PIGQ: variants seen among roughly 807,000 people sequenced by gnomAD.
PIGQ encodes the protein phosphatidylinositol N-acetylglucosaminyltransferase subunit Q.
A neutral mutation model predicts 60.3 loss-of-function variants in PIGQ; 54 were observed. That is an observed-to-expected ratio of 0.90 (90% CI 0.72 to 1.12). The LOEUF is 1.12. Ranked by LOEUF, PIGQ falls within the 50% of genes most tolerant of loss-of-function variation. The pLI is 0.00. For missense variants in PIGQ, 799 were observed against 793.5 expected, an observed-to-expected ratio of 1.01 and a Z score of -0.08; for synonymous variants, 416 against 363.7, an observed-to-expected ratio of 1.14 and a Z score of -1.64.
rs1210575902 is a variant in PIGQ at position 575,984 on chromosome 16, C to T, written c.821+14C>T. The T allele has an allele frequency of 2.5e-6, 4 of 1,576,504 alleles. No homozygotes were observed. The highest frequency in any genetic ancestry group is 3.4e-6 in the Non-Finnish European group (4 of 1,161,610). On this transcript the variant is annotated intron_variant, in intron 3 of 10. Coordinates refer to ENST00000321878, the MANE Select transcript of PIGQ (RefSeq NM_004204.5). Reference sequence around the variant, plus strand: ...CCAGCTGATGAGGTGTGGGCCTGCCCTGGTCTCTGCAGGGCTGGGTGCGTG... The same window carrying T: ...CCAGCTGATGAGGTGTGGGCCTGCCTTGGTCTCTGCAGGGCTGGGTGCGTG...
intron 4 of PIGQ, 48 bp from the exon 5 acceptor site, chr16:578,331 G>A (rs777526684): frequency 6.3e-7 from 1 of 1,577,976 alleles, no homozygotes; most frequent in Non-Finnish European, 8.6e-7. Flanking sequence ...AGATGCAGGT[G>A]CTGAGCCTGG....
At chr16:575,135 G>C (rs1389923413) in intron 2 of PIGQ, among the ~76,000 whole-genome samples, 2 of 152,206 alleles carry the variant, frequency 1.3e-5, no homozygotes, top group Non-Finnish European at 2.9e-5. Flanking sequence ...CCTCCCTGTA[G>C]CCCTGCCTGT....
intron 9 of PIGQ, chr16:581,837 C>T (rs1596387637): frequency 3.6e-6 from 1 of 274,736 alleles, no homozygotes; most frequent in East Asian, 9.8e-5. Context: ...GATCTCAGCT[C>T]ACTGCAACCT....
chr16:579,394 A>T, intron 7 of PIGQ: 1 of 584,186 alleles, frequency 1.7e-6, no homozygotes, highest in South Asian at 2.0e-5. Context: ...GAAGAGACAG[A>T]CACACAGCCC....
intron 4 of PIGQ, chr16:578,054 G>A (rs368630039): frequency 3.0e-5 from 8 of 268,010 alleles, no homozygotes; most frequent in South Asian, 2.9e-4. Flanking sequence ...GTTTGGGGCC[G>A]AGGGCTCCAG....
In PIGQ at chr16:578,327, A is replaced by C. The variant is rs2035752700; in HGVS notation, c.943-52A>C. 16 of 1,570,402 alleles carry C rather than the reference A, an allele frequency of 1.0e-5. No homozygotes were observed. In the East Asian group the frequency reaches 3.6e-4, roughly 36 times the overall value. ...ATCACGAAAGAGCCTGGGGAGATGCAGGTGCTGAGCCTGGCTGCCCCCGCC... is the reference window on the plus strand; with the variant it reads ...ATCACGAAAGAGCCTGGGGAGATGCCGGTGCTGAGCCTGGCTGCCCCCGCC... On this transcript the variant is annotated intron_variant, in intron 4 of 10. Transcript: ENST00000321878.
chr16:582,757 TC>T, intron 10 of PIGQ, 125 bp from the exon 11 acceptor site: 1 of 1,063,520 alleles, frequency 9.4e-7, no homozygotes, highest in South Asian at 1.5e-5. Flanking sequence ...GACTGGCTTC[TC>T]CCACAGGCAA....
rs778080496 is a variant in PIGQ at position 583,202 on chromosome 16, G to A, written c.*167G>A. The stretch of plus-strand genomic sequence containing the variant: ...ACACCTTGGGCTTGGAGGTCATTGG[G>A]AGTGAGCAGATGTGGGGGTGGCCAG... On this transcript the variant is annotated 3_prime_UTR_variant, in exon 11 of 11. Transcript: ENST00000321878. The A allele has an allele frequency of 6.2e-7, 1 of 1,613,274 alleles. No individual in the cohort carries two copies. Among genetic ancestry groups the A allele is most frequent in the South Asian group, 1.1e-5 (1 of 91,092 alleles).
Position 574,367 on chromosome 16 carries a change from G to A in PIGQ, c.293G>A (p.Arg98Gln), listed in dbSNP as rs746519944. ...FPHEPWLRLC[R>Q]ERGGTFWSCE... ...CATGAGCCCTGGCTGCGGCTGTGCC[G>A]GGAGAGAGGCGGCACGTTCTGGAGC... The change falls in exon 2 of 11, where the codon CGG (arginine) becomes CAG (glutamine). Residue 98 changes from arginine to glutamine, a missense_variant. Physicochemically the swap from Arg to Gln is conservative, Grantham distance 43. Transcript: ENST00000321878. 21 of 1,610,118 alleles carry A rather than the reference G, an allele frequency of 1.3e-5. No homozygotes were observed. In the South Asian group the frequency reaches 1.3e-4, roughly 10 times the overall value.
chr16:581,082 C>A, intron 9 of PIGQ, 110 bp downstream of exon 9: 1 of 1,354,448 alleles, frequency 7.4e-7, no homozygotes, highest in Non-Finnish European at 1.0e-6. Flanking sequence ...AGCCTGGAAG[C>A]CGTGGTATGC....
In PIGQ at chr16:576,100, C is replaced by T. The variant is rs372589976; in HGVS notation, c.822-34C>T. On this transcript the variant is annotated intron_variant, in intron 3 of 10. Transcript: ENST00000321878. Reference sequence around the variant, plus strand: ...CTGCGGCCCCAGGCTGTGCTGGCCACCCTCATGCCGGCCGGGCCGGACCTC... The same window carrying T: ...CTGCGGCCCCAGGCTGTGCTGGCCATCCTCATGCCGGCCGGGCCGGACCTC... The T allele has an allele frequency of 1.7e-5, 26 of 1,545,218 alleles. No individual in the cohort carries two copies. The African/African-American group carries it at 3.0e-4, about 18-fold the overall frequency.
At chr16:580,135 TG>T in intron 7 of PIGQ, 47 bp from the exon 8 acceptor site, 1 of 1,500,214 alleles carries the variant, frequency 6.7e-7, no homozygotes. Context: ...GGGCCGTCCC[TG>T]GGCGCGGGGT....
intron 1 of PIGQ, among the ~76,000 whole-genome samples, chr16:571,038 CGTGTGTGTGTGTGTGTGTGTGTGT>C (rs1176149269): frequency 1.8e-4 from 15 of 85,218 alleles, no homozygotes; most frequent in Non-Finnish European, 2.4e-4. Context: ...GCCTGGCGCC[CGTGTGTGTGTGTGTGTGTGTGTGT>C]GTGTGTGTGT....
intron 1 of PIGQ, among the ~76,000 whole-genome samples, chr16:571,487 CCTGT>C (rs1373257976): frequency 1.8e-4 from 11 of 60,164 alleles, no homozygotes; most frequent in Admixed American, 6.9e-4. Flanking sequence ...GTCTGGTTAG[CCTGT>C]GTGTGTGTGT....
At chr16:578,589 C>G in intron 5 of PIGQ, 84 bp downstream of exon 5, 1 of 1,490,334 alleles carries the variant, frequency 6.7e-7, no homozygotes. Flanking sequence ...GCCCCCTGTG[C>G]CCCCAACTCT....
Position 582,771 on chromosome 16 carries a change from G to A in PIGQ, c.1594-112G>A. The A allele has an allele frequency of 2.6e-6, 3 of 1,175,772 alleles. No individual in the cohort carries two copies. The South Asian group carries it at 4.3e-5, about 17-fold the overall frequency. The allele number at this position is 1,175,772 out of a possible 1,614,324, so 72.8% of individuals were successfully genotyped here. Reference sequence around the variant, plus strand: ...GGACTGGCTTCTCCCACAGGCAAGGGAATGTCTGAGACAGCACTGGCCCTG... The same window carrying A: ...GGACTGGCTTCTCCCACAGGCAAGGAAATGTCTGAGACAGCACTGGCCCTG... On this transcript the variant is annotated intron_variant, in intron 10 of 10. Transcript: ENST00000321878.
chr16:576,037 T>C lies in PIGQ; in HGVS notation c.821+67T>C, dbSNP rs371380018. The C allele has an allele frequency of 3.7e-5, 57 of 1,548,392 alleles. No individual in the cohort carries two copies. The East Asian group carries it at 6.6e-4, about 18-fold the overall frequency. On this transcript the variant is annotated intron_variant, in intron 3 of 10. Coordinates refer to ENST00000321878, the MANE Select transcript of PIGQ (RefSeq NM_004204.5). ...CTCTGGCCCCTTCTCCATCCCCCTC[T>C]GCACCACGCTGACCCCTCCGGCCAG...
intron 9 of PIGQ, chr16:581,295 G>A (rs770194475): frequency 7.2e-5 from 95 of 1,314,834 alleles, no homozygotes; most frequent in Non-Finnish European, 9.0e-5. Context: ...GGGGCCAAGC[G>A]CGGCAAAGTC....
chr16:581,319 G>A (rs1412593650), intron 9 of PIGQ: 28 of 1,264,094 alleles, frequency 2.2e-5, no homozygotes, highest in Non-Finnish European at 2.1e-5. Flanking sequence ...GGCACTAGGA[G>A]CCAGCAGGGC....
Sources: gnomAD v4.1 joint callset for allele counts (sites outside exome capture counted in the v4.1 genomes callset) on GRCh38, gnomAD v4.1.1 for gene constraint, MANE v1.5 for transcripts, NCBI Gene and HGNC (gene_info 2026-07-23, HGNC 2026-07-21) for gene names.